Variants in VPS13C observed in about 807,000 individuals in gnomAD.
VPS13C encodes intermembrane lipid transfer protein VPS13C.
In VPS13C, 358 loss-of-function variants were observed where a neutral mutation model predicts 456.8. That is an observed-to-expected ratio of 0.78 (90% confidence interval 0.72 to 0.86). The LOEUF (loss-of-function observed/expected upper bound fraction) is 0.86, where lower values mean the gene tolerates loss of function less well. Among genes scored for constraint, VPS13C ranks in the 40% least tolerant of loss-of-function variants. The pLI is 0.00. For missense variants in VPS13C, 4,818 were observed against 4,385.4 expected (o/e 1.10, Z -2.79); for synonymous variants, 1,578 against 1,486.7 (o/e 1.06, Z -1.41).
rs535703031 is a variant in VPS13C, at chr15:61,874,468, A to T, written c.10414+408T>A. Among the ~76,000 whole-genome samples, 5 of 152,192 alleles carry T rather than the reference A, an allele frequency of 3.3e-5. No individual in the cohort carries two copies. The East Asian group carries it at 9.6e-4, about 29-fold the overall frequency. On this transcript the variant is annotated intron_variant, in intron 77 of 84. Transcript: ENST00000644861. Reference sequence around the variant, plus strand: ...CCATAAATATATACAATCATGTGTCAATTAAAAATAAAATAATTTTTTAAG... The same window carrying T: ...CCATAAATATATACAATCATGTGTCTATTAAAAATAAAATAATTTTTTAAG...
rs780687720 is a variant in VPS13C, at chr15:61,967,348, A to G, written c.2991+20T>C. 1 of 1,578,820 alleles carries G rather than the reference A, an allele frequency of 6.3e-7. No homozygotes were observed. The highest frequency in any genetic ancestry group is 1.4e-5 in the African/African-American group (1 of 73,158). On this transcript the variant is annotated intron_variant, in intron 29 of 84. Coordinates refer to ENST00000644861, the MANE Select transcript of VPS13C (RefSeq NM_020821.3). ...AGTTTGGAGTAAACAATAAATATATAATCATTCTATAGCCCTTACCTTAAT... is the reference window on the plus strand; with the variant it reads ...AGTTTGGAGTAAACAATAAATATATGATCATTCTATAGCCCTTACCTTAAT...
At position 61,962,459 on chromosome 15, in the gene VPS13C, G is replaced by A. The variant is rs201384109; in HGVS notation, c.3515C>T (p.Thr1172Ile). 4.9e-5 allele frequency: 79 copies of A among 1,611,966 alleles called. No individual in the cohort carries two copies. In the Middle Eastern group the frequency reaches 9.9e-4, roughly 20 times the overall value. ...YPDATEGDLY[T>I]DMSKVDGVLS... ...CACACCATCCACTTTGGACATGTCA[G>A]TATACAAATCCCCCTCAGTAGCATC... Residue 1172 changes from threonine to isoleucine, a missense_variant, in exon 34 of 85, where the codon ACT becomes ATT. Transcript: ENST00000644861.
At chr15:62,046,159 A>G (rs2048394888) in intron 1 of VPS13C, among the ~76,000 whole-genome samples, 1 of 152,184 alleles carries the variant, frequency 6.6e-6, no homozygotes, top group Non-Finnish European at 1.5e-5. Flanking sequence ...GAAATACTAT[A>G]GTATATAGTA....
intron 39 of VPS13C, among the ~76,000 whole-genome samples, chr15:61,951,499 G>A (rs1227289474): frequency 6.6e-6 from 1 of 152,032 alleles, no homozygotes; most frequent in African/African-American, 2.4e-5. Flanking sequence ...TGAGACTACA[G>A]ATGATATTAA....
intron 71 of VPS13C, among the ~76,000 whole-genome samples, chr15:61,881,198 C>T (rs1314182775): frequency 6.6e-6 from 1 of 152,022 alleles, no homozygotes; most frequent in Non-Finnish European, 1.5e-5. Context: ...TTCGTCATGT[C>T]ACAGATGAAA....
At chr15:62,009,773 C>A (rs938405569) in intron 13 of VPS13C, among the ~76,000 whole-genome samples, 3 of 152,130 alleles carry the variant, frequency 2.0e-5, no homozygotes, top group African/African-American at 7.2e-5. Flanking sequence ...GGGCATATAA[C>A]CATGCTTGGG....
At chr15:61,965,676 T>C (rs77080604) in intron 30 of VPS13C, among the ~76,000 whole-genome samples, 38 of 152,028 alleles carry the variant, frequency 2.5e-4, no homozygotes, top group Admixed American at 5.9e-4. Context: ...TTTGCCCCTC[T>C]TACTCTAAGC....
At chr15:62,017,006 A>G (rs1439239604) in intron 9 of VPS13C, among the ~76,000 whole-genome samples, 8 of 152,026 alleles carry the variant, frequency 5.3e-5, no homozygotes, top group Non-Finnish European at 1.2e-4. Flanking sequence ...TTTGATTTGC[A>G]TTTCTCTGAT....
At chr15:62,028,032 G>T (rs1182672218) in intron 6 of VPS13C, among the ~76,000 whole-genome samples, 2 of 151,998 alleles carry the variant, frequency 1.3e-5, no homozygotes, top group Non-Finnish European at 2.9e-5. Context: ...CTGAACTCTA[G>T]AACTAAACTC....
At chr15:61,972,852 A>T in intron 26 of VPS13C, 88 bp from the exon 27 acceptor site, 1 of 1,351,434 alleles carries the variant, frequency 7.4e-7, no homozygotes, top group Non-Finnish European at 1.0e-6. Flanking sequence ...AAAAAGTGAA[A>T]TTCATTTATT....
intron 6 of VPS13C, among the ~76,000 whole-genome samples, chr15:62,028,075 AG>A (rs1438747248): frequency 6.6e-6 from 1 of 152,088 alleles, no homozygotes; most frequent in Non-Finnish European, 1.5e-5. Flanking sequence ...AGTTATCTGT[AG>A]TTCATATTCT....
In VPS13C at chr15:61,867,457, A is replaced by G; in HGVS notation, c.10863+1202T>C. The G allele has an allele frequency of 2.0e-6, 2 of 988,202 alleles. No individual in the cohort carries two copies. Among genetic ancestry groups the G allele is most frequent in the South Asian group, 9.3e-5 (2 of 21,442 alleles). 61.2% of individuals were successfully genotyped at this position (988,202 alleles called of 1,614,324 possible). On this transcript the variant is annotated intron_variant, in intron 81 of 84. Transcript: ENST00000644861. The surrounding 1 kb of genome is among the most constrained non-coding windows in gnomAD (Gnocchi z 5.0). The stretch of plus-strand genomic sequence containing the variant: ...ATTATTAAAGCAGATGCTCCAGGTA[A>G]TAGTCCCGTAACTTAAGCAAATTTA...
intron 68 of VPS13C, 43 bp from the exon 69 acceptor site, chr15:61,882,779 A>C (rs1186887129): frequency 1.3e-6 from 2 of 1,502,220 alleles, no homozygotes; most frequent in Non-Finnish European, 8.9e-7. Context: ...TGATATTAGC[A>C]CAGTAGCTAT....
chr15:61,871,602 G>A (rs1368593983), intron 79 of VPS13C, among the ~76,000 whole-genome samples: 1 of 151,936 alleles, frequency 6.6e-6, no homozygotes, highest in African/African-American at 2.4e-5. Flanking sequence ...CCCTGGAATG[G>A]CCATATAAAT....
At chr15:61,982,603 G>T (rs1398317026) in intron 20 of VPS13C, 30 bp from the exon 21 acceptor site, 5 of 1,476,956 alleles carry the variant, frequency 3.4e-6, no homozygotes, top group Non-Finnish European at 4.7e-6. Flanking sequence ...ACATAACCAA[G>T]TTACACATGG....
intron 35 of VPS13C, among the ~76,000 whole-genome samples, chr15:61,961,255 G>A (rs573557646): frequency 9.9e-4 from 151 of 151,858 alleles, no homozygotes; most frequent in African/African-American, 3.5e-3. Context: ...AGCCAGGCAT[G>A]GTAGCACATG....
At chr15:62,041,401 A>C (rs1360292460) in intron 2 of VPS13C, 35 bp from the exon 3 acceptor site, 1 of 1,579,376 alleles carries the variant, frequency 6.3e-7, no homozygotes, top group East Asian at 2.2e-5. Flanking sequence ...AGGACATCTT[A>C]AATTATGAAG....
chr15:61,934,967 G>C (rs1404500963), intron 48 of VPS13C, among the ~76,000 whole-genome samples: 1 of 152,106 alleles, frequency 6.6e-6, no homozygotes, highest in East Asian at 1.9e-4. Context: ...TGGCCAGGCA[G>C]GTCTCGATCT....
In VPS13C at chr15:61,949,596, C is replaced by T. The variant is rs376309576; in HGVS notation, c.4606G>A (p.Ala1536Thr). The T allele has an allele frequency of 1.9e-6, 3 of 1,593,420 alleles. No individual in the cohort carries two copies. The highest frequency in any genetic ancestry group is 1.7e-6 in the Non-Finnish European group (2 of 1,175,076). ...AAATGAAGTACTAAGTCTAAGGATG[C>T]AAATGAAACCTAAGATAATGAACAA... ...STKQRLKVSF[A>T]SLDLVLHLEA... The change falls in exon 42 of 85, where the codon GCA (alanine) becomes ACA (threonine). Residue 1536 changes from alanine to threonine, a missense_variant. Around this residue, in one of 3 missense-constraint regions of VPS13C, gnomAD observed 4,552 missense variants for 4,130.6 expected, o/e 1.10. Coordinates refer to ENST00000644861, the MANE Select transcript of VPS13C (RefSeq NM_020821.3).
Sources: allele counts gnomAD v4.1 joint callset (sites outside exome capture counted in the v4.1 genomes callset), GRCh38; gene constraint gnomAD v4.1.1; regional missense constraint gnomAD v4.1.1; non-coding constraint Gnocchi (gnomAD v3.1); transcripts MANE v1.5; gene names NCBI Gene and HGNC (gene_info 2026-07-23, HGNC 2026-07-21).